Variants in PLPPR1 observed in about 807,000 individuals in gnomAD.
PLPPR1 encodes phospholipid phosphatase-related protein type 1.
A neutral mutation model predicts 33.1 loss-of-function variants in PLPPR1; 10 were observed. The ratio of observed to expected loss-of-function variants is 0.30; its 90% confidence interval spans 0.19 to 0.51. The LOEUF (loss-of-function observed/expected upper bound fraction) is 0.51. PLPPR1 is among the 20% of genes least tolerant of loss of function. PLPPR1 has a pLI of 0.97. For missense variants in PLPPR1, 304 were observed against 408.1 expected, an observed-to-expected ratio of 0.74 and a Z score of 2.20; for synonymous variants, 151 against 151.0, an observed-to-expected ratio of 1.00 and a Z score of 0.00.
intron 2 of PLPPR1, among the ~76,000 whole-genome samples, chr9:101,218,408 T>C (rs2118782708): frequency 6.6e-6 from 1 of 152,324 alleles, no homozygotes; most frequent in East Asian, 1.9e-4. Flanking sequence ...ATCAGTCTAG[T>C]TCTGGGTGGG....
intron 4 of PLPPR1, among the ~76,000 whole-genome samples, chr9:101,292,620 G>T (rs1828534195): frequency 7.0e-6 from 1 of 141,886 alleles, no homozygotes; most frequent in African/African-American, 2.6e-5. Flanking sequence ...AGCCAGAAGA[G>T]AGTTGGGCGG....
intron 1 of PLPPR1, among the ~76,000 whole-genome samples, chr9:101,175,716 T>C (rs1019419146): frequency 6.6e-6 from 1 of 152,188 alleles, no homozygotes; most frequent in African/African-American, 2.4e-5. Flanking sequence ...TATGGCTTGT[T>C]ATGGTATTTT....
chr9:101,245,817 G>A (rs1167809114), intron 2 of PLPPR1, among the ~76,000 whole-genome samples: 1 of 151,636 alleles, frequency 6.6e-6, no homozygotes, highest in African/African-American at 2.4e-5. Flanking sequence ...AACTAACATG[G>A]TCTGTAAGTC....
chr9:101,207,339 G>A (rs779029823), intron 2 of PLPPR1, among the ~76,000 whole-genome samples: 32 of 152,138 alleles, frequency 2.1e-4, no homozygotes, highest in Non-Finnish European at 4.4e-5. Context: ...TATTATTATT[G>A]CCCTCTACAC....
At chr9:101,136,346 A>G (rs543477093) in intron 1 of PLPPR1, among the ~76,000 whole-genome samples, 1 of 152,344 alleles carries the variant, frequency 6.6e-6, no homozygotes, top group Admixed American at 6.5e-5. Flanking sequence ...GAGTAAATAC[A>G]TGTATGTACA....
intron 1 of PLPPR1, among the ~76,000 whole-genome samples, chr9:101,183,285 T>TA (rs1328557172): frequency 6.6e-6 from 1 of 151,652 alleles, no homozygotes. Context: ...TACCAACTGG[T>TA]AAAAGTGCAA....
At chr9:101,191,852 A>G (rs12345440) in intron 2 of PLPPR1, among the ~76,000 whole-genome samples, 19,641 of 152,184 alleles carry the variant, frequency 0.13, 1,490 homozygotes, top group East Asian at 0.28. Flanking sequence ...AATATTAAGT[A>G]CCAGGAATTG....
chr9:101,114,197 A>T (rs1045277136), intron 1 of PLPPR1, among the ~76,000 whole-genome samples: 2 of 152,214 alleles, frequency 1.3e-5, no homozygotes, highest in Admixed American at 6.5e-5. Context: ...TATTTCATTG[A>T]ACACTGTTCT....
At chr9:101,289,181 C>T (rs1828449414) in intron 4 of PLPPR1, among the ~76,000 whole-genome samples, 2 of 152,130 alleles carry the variant, frequency 1.3e-5, no homozygotes, top group African/African-American at 4.8e-5. Context: ...CTATTGCTAC[C>T]CCTTCACTTT....
chr9:101,245,823 A>T (rs1390271539), intron 2 of PLPPR1, among the ~76,000 whole-genome samples: 1 of 151,748 alleles, frequency 6.6e-6, no homozygotes, highest in Admixed American at 6.6e-5. Context: ...CATGGTCTGT[A>T]AGTCAGGGAA....
At chr9:101,308,252 A>G (rs1412953254) in intron 4 of PLPPR1, among the ~76,000 whole-genome samples, 5 of 152,242 alleles carry the variant, frequency 3.3e-5, no homozygotes, top group Admixed American at 6.5e-5. Context: ...AGAGACAGGC[A>G]GGAGGCTCAG....
At chr9:101,273,360 G>A (rs1437591359) in intron 3 of PLPPR1, among the ~76,000 whole-genome samples, 11 of 152,246 alleles carry the variant, frequency 7.2e-5, no homozygotes, top group African/African-American at 1.9e-4. Context: ...GTGGATCCCC[G>A]GAAACTATGC....
rs372055510 is a variant in PLPPR1 at position 101,116,540 on chromosome 9, C to T, written c.-45-68910C>T. On this transcript the variant is annotated intron_variant, in intron 1 of 7. Coordinates refer to ENST00000374874, the MANE Select transcript of PLPPR1 (RefSeq NM_207299.2). The stretch of plus-strand genomic sequence containing the variant: ...GTAGAAATGCAGGATAACGGCTTGG[C>T]GCAGTGGCTCACGCCTGTAATCCCA... Among the ~76,000 whole-genome samples the T allele has an allele frequency of 3.4e-3, 525 of 152,198 alleles. 4 individuals carry two copies. The highest frequency in any genetic ancestry group is 0.012 in the African/African-American group (491 of 41,546).
chr9:101,266,977 C>T (rs1488763707), intron 2 of PLPPR1, among the ~76,000 whole-genome samples: 1 of 152,116 alleles, frequency 6.6e-6, no homozygotes. Context: ...CAGAAGCCCC[C>T]ATAGATCTTG....
At chr9:101,238,349 G>GTATATATATATATATATA (rs199647180) in intron 2 of PLPPR1, among the ~76,000 whole-genome samples, 2 of 132,976 alleles carry the variant, frequency 1.5e-5, no homozygotes, top group East Asian at 2.3e-4. Flanking sequence ...ATATATAGAG[G>GTATATATATATATATATA]TGTATATATA....
chr9:101,299,704 C>A (rs1828713650), intron 4 of PLPPR1, among the ~76,000 whole-genome samples: 1 of 152,230 alleles, frequency 6.6e-6, no homozygotes, highest in African/African-American at 2.4e-5. Flanking sequence ...TTCTGTAGCA[C>A]TTTGCAGGTT....
chr9:101,063,361 C>G (rs1830368838), intron 1 of PLPPR1, among the ~76,000 whole-genome samples: 1 of 152,028 alleles, frequency 6.6e-6, no homozygotes, highest in Non-Finnish European at 1.5e-5. Flanking sequence ...ATGTGTCAAT[C>G]AGTGTCCAGC....
At chr9:101,300,688 T>TA (rs1343084670) in intron 4 of PLPPR1, among the ~76,000 whole-genome samples, 1 of 151,814 alleles carries the variant, frequency 6.6e-6, no homozygotes. Context: ...TGAAGCCTTC[T>TA]AAAAATCCAG....
chr9:101,186,834 T>A (rs1826213504), intron 2 of PLPPR1, among the ~76,000 whole-genome samples: 1 of 151,922 alleles, frequency 6.6e-6, no homozygotes, highest in Non-Finnish European at 1.5e-5. Flanking sequence ...CAGGTAAAGA[T>A]AGGAGAGAAG....
Sources: gnomAD v4.1 joint callset for allele counts (sites outside exome capture counted in the v4.1 genomes callset) on GRCh38, gnomAD v4.1.1 for gene constraint, MANE v1.5 for transcripts, NCBI Gene and HGNC (gene_info 2026-07-23, HGNC 2026-07-21) for gene names.